EPB41L4B: variants seen among roughly 807,000 people sequenced by gnomAD.
EPB41L4B encodes the protein band 4.1-like protein 4B.
In EPB41L4B, 30 loss-of-function variants were observed where a neutral mutation model predicts 112.5. That is an observed-to-expected ratio of 0.27 (90% CI 0.20 to 0.36). The LOEUF (loss-of-function observed/expected upper bound fraction) is 0.36. Ranked by LOEUF, EPB41L4B falls within the 10% of genes least tolerant of loss-of-function variation. EPB41L4B has a pLI of 1.00. For synonymous variants in EPB41L4B, 408 were observed against 439.7 expected (o/e 0.93, Z 0.90); for missense variants, 1,024 against 1,133.3 (o/e 0.90, Z 1.38).
intron 2 of EPB41L4B, among the ~76,000 whole-genome samples, chr9:109,277,062 G>A (rs998528642): frequency 1.3e-5 from 2 of 152,132 alleles, no homozygotes; most frequent in African/African-American, 4.8e-5. Flanking sequence ...GCAGAGCCAG[G>A]AACAAGGTCC....
At chr9:109,247,598 T>C (rs1307779421) in intron 14 of EPB41L4B, among the ~76,000 whole-genome samples, 158 bp downstream of exon 14, 1 of 152,126 alleles carries the variant, frequency 6.6e-6, no homozygotes, top group African/African-American at 2.4e-5. Flanking sequence ...TACCATTTTC[T>C]CAAAAAAACA....
At chr9:109,189,067 A>T (rs954972798) in intron 22 of EPB41L4B, among the ~76,000 whole-genome samples, 9 of 152,166 alleles carry the variant, frequency 5.9e-5, no homozygotes, top group Non-Finnish European at 1.2e-4. Context: ...ACCTGCTCAC[A>T]TTCACATCCT....
chr9:109,300,220 G>T (rs1836907487), intron 1 of EPB41L4B: 1 of 152,262 alleles, frequency 6.6e-6, no homozygotes, highest in Non-Finnish European at 1.5e-5. Context: ...CAGCCAGGGT[G>T]GCTGGGGCCA....
intron 1 of EPB41L4B, among the ~76,000 whole-genome samples, chr9:109,302,641 G>T (rs531506082): frequency 6.6e-6 from 1 of 151,924 alleles, no homozygotes; most frequent in East Asian, 1.9e-4. Context: ...CCTGACCTAG[G>T]GGACTATATG....
At chr9:109,215,918 A>G (rs1833347042) in intron 16 of EPB41L4B, among the ~76,000 whole-genome samples, 1 of 152,164 alleles carries the variant, frequency 6.6e-6, no homozygotes, top group African/African-American at 2.4e-5. Flanking sequence ...TAAGCCCAAG[A>G]GTTCAAGACC....
rs146406352 is a variant in EPB41L4B at position 109,254,623 on chromosome 9, C to T, written c.1169+888G>A. Among the ~76,000 whole-genome samples the T allele has an allele frequency of 4.5e-3, 689 of 152,216 alleles. 9 individuals carry two copies. Among genetic ancestry groups the T allele is most frequent in the African/African-American group, 0.016 (669 of 41,530 alleles). ...AAACCCTGGGAGCACATTTTAAATG[C>T]GTACTGCCAGGCCTTACACATACAC... On this transcript the variant is annotated intron_variant, in intron 11 of 25. Coordinates refer to ENST00000374566, the MANE Select transcript of EPB41L4B (RefSeq NM_019114.5).
intron 15 of EPB41L4B, among the ~76,000 whole-genome samples, chr9:109,226,642 T>G (rs1833772347): frequency 7.1e-6 from 1 of 139,936 alleles, no homozygotes. Flanking sequence ...AGAATATATA[T>G]ATATATGAAG....
intron 11 of EPB41L4B, 105 bp downstream of exon 11, chr9:109,255,406 C>A: frequency 7.2e-7 from 1 of 1,381,834 alleles, no homozygotes; most frequent in Non-Finnish European, 9.9e-7. Context: ...GACACACAAC[C>A]TAAGTTTCTG....
chr9:109,236,255 G>C (rs1050284946), intron 15 of EPB41L4B, among the ~76,000 whole-genome samples: 1 of 152,138 alleles, frequency 6.6e-6, no homozygotes, highest in African/African-American at 2.4e-5. Context: ...ATAGATTGCA[G>C]GGGGCCAGTT....
At chr9:109,306,763 T>C (rs1461981440) in intron 1 of EPB41L4B, among the ~76,000 whole-genome samples, 4 of 152,056 alleles carry the variant, frequency 2.6e-5, no homozygotes, top group Non-Finnish European at 4.4e-5. Context: ...GCAGTAAACA[T>C]CAAAAACCAC....
chr9:109,197,751 C>A (rs567359606), intron 20 of EPB41L4B, among the ~76,000 whole-genome samples: 1 of 147,804 alleles, frequency 6.8e-6, no homozygotes, highest in African/African-American at 2.5e-5. Context: ...ACCCAGGAGG[C>A]GAAGGTTGCA....
At chr9:109,203,936 A>G (rs1291618575) in intron 18 of EPB41L4B, among the ~76,000 whole-genome samples, 1 of 152,224 alleles carries the variant, frequency 6.6e-6, no homozygotes, top group Non-Finnish European at 1.5e-5. Context: ...GATTAAGACA[A>G]TCATTCAGAT....
intron 15 of EPB41L4B, among the ~76,000 whole-genome samples, chr9:109,218,401 C>T (rs1833462230): frequency 6.6e-6 from 1 of 152,138 alleles, no homozygotes; most frequent in African/African-American, 2.4e-5. Context: ...GCTGGGATTA[C>T]AGGCATGAAC....
rs191738656 is a variant in EPB41L4B, at chr9:109,221,352, T to C, written c.1410-4207A>G. Among the ~76,000 whole-genome samples the C allele has an allele frequency of 3.8e-4, 58 of 152,294 alleles. No individual in the cohort carries two copies. The East Asian group carries it at 9.1e-3, about 24-fold the overall frequency. On this transcript the variant is annotated intron_variant, in intron 15 of 25. Coordinates refer to ENST00000374566, the MANE Select transcript of EPB41L4B (RefSeq NM_019114.5). The stretch of plus-strand genomic sequence containing the variant: ...GTTAATATTTTTCCTGTCTTGCAAA[T>C]ATGTTGAAAATAATATCTGTCCTAA...
chr9:109,203,993 C>A (rs1832915714), intron 18 of EPB41L4B, among the ~76,000 whole-genome samples: 1 of 152,152 alleles, frequency 6.6e-6, no homozygotes, highest in Admixed American at 6.5e-5. Context: ...CTGCTACGTG[C>A]CAGCTCATGC....
chr9:109,304,899 G>A (rs1309806009), intron 1 of EPB41L4B, among the ~76,000 whole-genome samples: 2 of 152,060 alleles, frequency 1.3e-5, no homozygotes, highest in African/African-American at 4.8e-5. Flanking sequence ...GAGGAATGAC[G>A]GCTCAACAGG....
Position 109,259,270 on chromosome 9 carries a change from T to C in EPB41L4B, c.632-973A>G, listed in dbSNP as rs138862831. Among the ~76,000 whole-genome samples, 397 of 152,296 alleles carry C rather than the reference T, an allele frequency of 2.6e-3. 1 individual carries two copies. Among genetic ancestry groups the C allele is most frequent in the Middle Eastern group, 6.8e-3 (2 of 294 alleles). On this transcript the variant is annotated intron_variant, in intron 6 of 25. Transcript: ENST00000374566. ...TGTTGGAAAAATCACTGAGGTATAA[T>C]AGTGGCTTTCGAATTTGGGTGCGCA...
intron 1 of EPB41L4B, among the ~76,000 whole-genome samples, chr9:109,290,112 G>T (rs1416008631): frequency 6.6e-6 from 1 of 152,200 alleles, no homozygotes; most frequent in Non-Finnish European, 1.5e-5. Flanking sequence ...TGTGCCCTGG[G>T]ACTCTGTGAG....
At chr9:109,195,709 TA>T (rs1300438153) in intron 20 of EPB41L4B, among the ~76,000 whole-genome samples, 1 of 152,250 alleles carries the variant, frequency 6.6e-6, no homozygotes, top group Non-Finnish European at 1.5e-5. Flanking sequence ...TTACCTCATT[TA>T]AAAAATTATC....
Sources: gnomAD v4.1 joint callset for allele counts (sites outside exome capture counted in the v4.1 genomes callset) on GRCh38, gnomAD v4.1.1 for gene constraint, MANE v1.5 for transcripts, NCBI Gene and HGNC (gene_info 2026-07-23, HGNC 2026-07-21) for gene names.